PLAC1: variants seen among roughly 807,000 people sequenced by gnomAD.
The protein encoded by PLAC1 is placenta-specific protein 1.
For missense variants in PLAC1, 136 were observed against 163.2 expected, an observed-to-expected ratio of 0.83 and a Z score of 0.91; for synonymous variants, 68 against 62.1, an observed-to-expected ratio of 1.09 and a Z score of -0.44.
rs1321640578 is a variant in PLAC1, at chrX:134,673,779, A to G, written n.174+59656T>C. ...AAAGGGGCTGGCCTTGCTTTCCAAC[A>G]TAACTTAATCCCAGAATGAGAGCCC... On this transcript the variant is annotated intron_variant and non_coding_transcript_variant, in intron 2 of 2. Transcript: ENST00000466797. 2.7e-5 allele frequency among the ~76,000 whole-genome samples: 3 copies of G among 112,051 alleles called. No homozygotes were observed. The South Asian group carries it at 1.1e-3, about 42-fold the overall frequency.
intron 1 of PLAC1, among the ~76,000 whole-genome samples, chrX:134,761,397 A>T (rs2078769624): frequency 8.9e-6 from 1 of 111,781 alleles, no homozygotes; most frequent in Non-Finnish European, 1.9e-5. Context: ...TTTTTACTCA[A>T]ATATTTTCAG....
Position 134,566,042 on chromosome X carries a change from G to A in PLAC1, c.*2C>T, listed in dbSNP as rs757530155. On this transcript the variant is annotated 3_prime_UTR_variant, in exon 3 of 3. Transcript: ENST00000359237. ...ATCTTCAGGAGACCCCAAACCTGAG[G>A]ATCACATGGACCCAATCATATCATC... 8.3e-7 allele frequency: 1 copy of A among 1,201,986 alleles called. No individual in the cohort carries two copies. The highest frequency in any genetic ancestry group is 2.3e-4 in the Middle Eastern group (1 of 4,330).
rs1431801720 is a variant in PLAC1, at chrX:134,572,617, TA to T, written c.-58-5878del. Reference sequence around the variant, plus strand: ...TAAAAAGGCTTCATTAAAATTAAACTAAAAAGCAGCCATTAAAAATTTATTT... The same window carrying T: ...TAAAAAGGCTTCATTAAAATTAAACTAAAAGCAGCCATTAAAAATTTATTT... On this transcript the variant is annotated intron_variant, in intron 2 of 2. Transcript: ENST00000359237. 3.6e-5 allele frequency among the ~76,000 whole-genome samples: 4 copies of T among 111,599 alleles called. No individual in the cohort carries two copies. The East Asian group carries it at 1.1e-3, about 31-fold the overall frequency.
chrX:134,585,173 T>TAAA (rs2077993266), intron 2 of PLAC1, among the ~76,000 whole-genome samples: 1 of 5,045 alleles, frequency 2.0e-4, no homozygotes, highest in Non-Finnish European at 4.2e-4. Context: ...CCACTAAAAG[T>TAAA]ACAAAAAAAA....
chrX:134,753,875 G>A (rs1602952710), intron 1 of PLAC1, among the ~76,000 whole-genome samples: 1 of 111,414 alleles, frequency 9.0e-6, no homozygotes, highest in Non-Finnish European at 1.9e-5. Flanking sequence ...TTCTCGACTC[G>A]GGAGTCTCAA....
At position 134,610,333 on chromosome X, in the gene PLAC1, C is replaced by T. The variant is rs750100086; in HGVS notation, c.-130-8211G>A. ...TGTTGATGCTTTCACTATACCTGGT[C>T]CCCCTCAACCCACCAATGGTGTCTC... On this transcript the variant is annotated intron_variant, in intron 1 of 2. Coordinates refer to ENST00000359237, the MANE Select transcript of PLAC1 (RefSeq NM_021796.4). 9.2e-4 allele frequency among the ~76,000 whole-genome samples: 102 copies of T among 110,948 alleles called. 1 individual carries two copies. Among genetic ancestry groups the T allele is most frequent in the African/African-American group, 3.2e-3 (97 of 30,550 alleles).
chrX:134,705,141 C>T (rs952870067), intron 2 of PLAC1, among the ~76,000 whole-genome samples: 11 of 104,834 alleles, frequency 1.0e-4, no homozygotes, highest in African/African-American at 3.5e-4. Context: ...AGAGAATCGG[C>T]CAGGCACGGT....
chrX:134,702,463 C>T (rs1028619297), intron 2 of PLAC1, among the ~76,000 whole-genome samples: 1 of 111,867 alleles, frequency 8.9e-6, no homozygotes, highest in South Asian at 3.7e-4. Context: ...GGATGCAGCT[C>T]GAGGCCATTA....
chrX:134,692,043 T>A (rs1457950430), intron 2 of PLAC1, among the ~76,000 whole-genome samples: 1 of 112,276 alleles, frequency 8.9e-6, no homozygotes, highest in Non-Finnish European at 1.9e-5. Context: ...CACTTCCACA[T>A]TGGACAAATG....
At chrX:134,568,460 T>G (rs1223866532) in intron 2 of PLAC1, among the ~76,000 whole-genome samples, 1 of 112,206 alleles carries the variant, frequency 8.9e-6, no homozygotes, top group African/African-American at 3.2e-5. Context: ...GGATGAAATG[T>G]TTTGTTTCTG....
At chrX:134,624,767 G>C (rs746368435) in intron 1 of PLAC1, among the ~76,000 whole-genome samples, 1 of 111,436 alleles carries the variant, frequency 9.0e-6, no homozygotes, top group African/African-American at 3.3e-5. Context: ...GCATTCCCCA[G>C]TGTCAACCCA....
chrX:134,589,630 G>C (rs1569379838), intron 2 of PLAC1, among the ~76,000 whole-genome samples: 1 of 107,580 alleles, frequency 9.3e-6, no homozygotes, highest in Non-Finnish European at 1.9e-5. Context: ...GGGAGGCTGA[G>C]GCAGGAGAAT....
intron 1 of PLAC1, among the ~76,000 whole-genome samples, chrX:134,627,231 T>G (rs189499650): frequency 8.0e-5 from 9 of 111,819 alleles, no homozygotes; most frequent in Non-Finnish European, 1.5e-4. Context: ...TGATGTTGTT[T>G]GGTAGGAATG....
At chrX:134,669,815 C>T (rs1326951413) in intron 2 of PLAC1, among the ~76,000 whole-genome samples, 2 of 112,017 alleles carry the variant, frequency 1.8e-5, no homozygotes, top group East Asian at 2.8e-4. Flanking sequence ...GTGGAGGGGC[C>T]GTACACAGCC....
chrX:134,756,203 G>T (rs1415303611), intron 1 of PLAC1, among the ~76,000 whole-genome samples: 1 of 110,346 alleles, frequency 9.1e-6, no homozygotes, highest in African/African-American at 3.3e-5. Flanking sequence ...TGCAAAAAAA[G>T]GTTTTTACTT....
chrX:134,728,327 A>G lies in PLAC1; in HGVS notation n.174+5108T>C, dbSNP rs762616464. 2.3e-3 allele frequency among the ~76,000 whole-genome samples: 255 copies of G among 112,376 alleles called. 2 individuals carry two copies. Among genetic ancestry groups the G allele is most frequent in the Non-Finnish European group, 4.3e-3 (230 of 53,301 alleles). ...AAGTAGGATAAACTCAAAAATGTCC[A>G]TATCTAGATACATCGTAATCAAACT... is the stretch of plus-strand genomic sequence containing the variant. On this transcript the variant is annotated intron_variant and non_coding_transcript_variant, in intron 2 of 2. Coordinates refer to the PLAC1 transcript ENST00000466797.
At chrX:134,585,638 TCCTGAGGTGGGGAC>T (rs1156850735) in intron 2 of PLAC1, among the ~76,000 whole-genome samples, 1 of 111,147 alleles carries the variant, frequency 9.0e-6, no homozygotes, top group African/African-American at 3.3e-5. Context: ...GTTTATGATG[TCCTGAGGTGGGGAC>T]CCTGAGGTGG....
rs750817404 is a variant in PLAC1 at position 134,577,750 on chromosome X, C to CGTGTGTGT, written c.-58-11018_-58-11011dup. Among the ~76,000 whole-genome samples the CGTGTGTGT allele has an allele frequency of 7.8e-3, 732 of 94,129 alleles. 8 individuals carry two copies. Among genetic ancestry groups the CGTGTGTGT allele is most frequent in the East Asian group, 0.011 (31 of 2,919 alleles). 81.7% of individuals were successfully genotyped at this position (94,129 alleles called of 115,157 possible). On this transcript the variant is annotated intron_variant, in intron 2 of 2. Coordinates refer to ENST00000359237, the MANE Select transcript of PLAC1 (RefSeq NM_021796.4). ...AGAATGCCTCATGTGTGCATGCATG[C>CGTGTGTGT]GTGTGTGTGTGTGTGTGTGTGTGTG...
intron 2 of PLAC1, among the ~76,000 whole-genome samples, chrX:134,686,318 G>C (rs1468385643): frequency 8.9e-6 from 1 of 112,209 alleles, no homozygotes; most frequent in Non-Finnish European, 1.9e-5. Flanking sequence ...TGGTGATCAA[G>C]AGTATCTCTT....
Sources: gnomAD v4.1 joint callset for allele counts (sites outside exome capture counted in the v4.1 genomes callset) on GRCh38, gnomAD v4.1.1 for gene constraint, MANE v1.5 for transcripts, NCBI Gene and HGNC (gene_info 2026-07-23, HGNC 2026-07-21) for gene names.